CHIC1: variants seen among roughly 807,000 people sequenced by gnomAD.
CHIC1 encodes the protein cysteine rich hydrophobic domain 1, also known as cysteine-rich hydrophobic domain-containing protein 1.
A neutral mutation model predicts 18.5 loss-of-function variants in CHIC1; 7 were observed. The observed-to-expected ratio is 0.38, with a 90% confidence interval of 0.22 to 0.71. The LOEUF (loss-of-function observed/expected upper bound fraction) is 0.71. Among genes scored for constraint, CHIC1 ranks in the 30% least tolerant of loss-of-function variants. CHIC1 has a pLI of 0.49. For synonymous variants in CHIC1, 77 were observed against 73.5 expected (o/e 1.05, Z -0.25); for missense variants, 159 against 176.9 (o/e 0.90, Z 0.57).
At chrX:73,676,238 T>G (rs1332694533) in intron 3 of CHIC1, among the ~76,000 whole-genome samples, 1 of 111,384 alleles carries the variant, frequency 9.0e-6, no homozygotes, top group African/African-American at 3.3e-5. Context: ...AGGAGTATCT[T>G]TGTGGCATTC....
In CHIC1 at chrX:73,613,062, A is replaced by G. The variant is rs775551385; in HGVS notation, c.507+28490A>G. Among the ~76,000 whole-genome samples, 9 of 112,207 alleles carry G rather than the reference A, an allele frequency of 8.0e-5. No individual in the cohort carries two copies. The South Asian group carries it at 2.2e-3, about 28-fold the overall frequency. Reference sequence around the variant, plus strand: ...GCTAAACTGATCACTTTATCATTACATAGTGAACTTTCTGTCTCATTTTAC... The same window carrying G: ...GCTAAACTGATCACTTTATCATTACGTAGTGAACTTTCTGTCTCATTTTAC... On this transcript the variant is annotated intron_variant, in intron 3 of 5. Coordinates refer to ENST00000373502, the MANE Select transcript of CHIC1 (RefSeq NM_001039840.4).
chrX:73,592,339 G>A (rs1468902761), intron 3 of CHIC1, among the ~76,000 whole-genome samples: 2 of 111,264 alleles, frequency 1.8e-5, no homozygotes, highest in Non-Finnish European at 3.8e-5. Flanking sequence ...TGTTAGCTAT[G>A]GGTTTGCCAT....
intron 3 of CHIC1, among the ~76,000 whole-genome samples, chrX:73,631,970 A>T (rs1379609365): frequency 8.9e-6 from 1 of 111,990 alleles, no homozygotes; most frequent in African/African-American, 3.3e-5. Context: ...TGTTCTGGAG[A>T]ATGCTCTATA....
intron 3 of CHIC1, among the ~76,000 whole-genome samples, chrX:73,642,088 C>T (rs754002241): frequency 9.8e-5 from 11 of 111,777 alleles, no homozygotes; most frequent in Non-Finnish European, 9.4e-5. Flanking sequence ...CCTGAGGAAT[C>T]GCCACACTGA....
rs766688635 is a variant in CHIC1, at chrX:73,679,570, T to A, written c.565-84T>A. 3 of 658,109 alleles carry A rather than the reference T, an allele frequency of 4.6e-6. No homozygotes were observed. The East Asian group carries it at 1.1e-4, about 24-fold the overall frequency. 54.2% of individuals were successfully genotyped at this position (658,109 alleles called of 1,213,427 possible). On this transcript the variant is annotated intron_variant, in intron 4 of 5. Coordinates refer to ENST00000373502, the MANE Select transcript of CHIC1 (RefSeq NM_001039840.4). ...TTTGTATCCTGTACTTTTCCTGGAT[T>A]GTTTTCAGTGATTTATTCAAATGTA...
chrX:73,575,490 A>T (rs2082097640), intron 1 of CHIC1, among the ~76,000 whole-genome samples: 1 of 110,579 alleles, frequency 9.0e-6, no homozygotes, highest in Non-Finnish European at 1.9e-5. Context: ...CCTAAGCTAT[A>T]TGGTAAGCCT....
intron 3 of CHIC1, 36 bp from the exon 4 acceptor site, chrX:73,679,290 G>T (rs750403537): frequency 2.1e-6 from 2 of 957,650 alleles, no homozygotes; most frequent in South Asian, 4.1e-5. Flanking sequence ...AGCTCTTCAG[G>T]TCATCTTGTA....
At chrX:73,579,990 A>G (rs116658003) in intron 2 of CHIC1, among the ~76,000 whole-genome samples, 1,640 of 110,453 alleles carry the variant, frequency 0.015, 31 homozygotes, top group African/African-American at 0.051. Flanking sequence ...GTTATATCCA[A>G]CTTTACCATT....
chrX:73,609,978 A>T (rs867724519), intron 3 of CHIC1, among the ~76,000 whole-genome samples: 5 of 107,599 alleles, frequency 4.6e-5, no homozygotes, highest in Admixed American at 1.9e-4. Flanking sequence ...CAAACATTCA[A>T]ACTTACTCCT....
chrX:73,644,324 G>A (rs950565358), intron 3 of CHIC1, among the ~76,000 whole-genome samples: 1 of 112,269 alleles, frequency 8.9e-6, no homozygotes, highest in African/African-American at 3.2e-5. Context: ...TAGGCTGCTC[G>A]GGGGTCAGGG....
At chrX:73,661,973 G>A (rs1459941576) in intron 3 of CHIC1, among the ~76,000 whole-genome samples, 3 of 109,786 alleles carry the variant, frequency 2.7e-5, no homozygotes, top group Non-Finnish European at 5.7e-5. Flanking sequence ...CACCAGCATG[G>A]CACATGTATA....
chrX:73,594,850 G>GC lies in CHIC1; in HGVS notation c.507+10280dup, dbSNP rs1407816588. ...AGATACCTCATGTAAGTGAAATAAT[G>GC]CCATATTTTTTCTTTTAGATTCAGC... On this transcript the variant is annotated intron_variant, in intron 3 of 5. Transcript: ENST00000373502. 2.7e-5 allele frequency among the ~76,000 whole-genome samples: 3 copies of GC among 111,726 alleles called. No homozygotes were observed. The East Asian group carries it at 8.5e-4, about 32-fold the overall frequency.
intron 1 of CHIC1, 85 bp from the exon 2 acceptor site, chrX:73,577,322 C>G (rs1337783894): frequency 2.9e-6 from 2 of 696,707 alleles, no homozygotes; most frequent in Non-Finnish European, 2.1e-6. Context: ...AAGAAAAATG[C>G]ATGGGTTTAT....
At chrX:73,595,609 A>G (rs188210179) in intron 3 of CHIC1, among the ~76,000 whole-genome samples, 3 of 111,774 alleles carry the variant, frequency 2.7e-5, no homozygotes, top group Admixed American at 9.5e-5. Context: ...AGTCTTTGCT[A>G]TAGTGACTAG....
chrX:73,673,797 TAGTG>T (rs2058046004), intron 3 of CHIC1, among the ~76,000 whole-genome samples: 1 of 111,957 alleles, frequency 8.9e-6, no homozygotes, highest in Non-Finnish European at 1.9e-5. Context: ...TGAATAGGAA[TAGTG>T]AGAGAGGGCA....
intron 3 of CHIC1, among the ~76,000 whole-genome samples, chrX:73,666,174 C>T (rs887273998): frequency 8.9e-5 from 10 of 112,090 alleles, no homozygotes; most frequent in Non-Finnish European, 3.8e-5. Context: ...CCTATAATTT[C>T]TCCCACCACC....
rs2057633322 is a variant in CHIC1, at chrX:73,599,813, T to C, written c.507+15241T>C. Among the ~76,000 whole-genome samples, 2 of 106,783 alleles carry C rather than the reference T, an allele frequency of 1.9e-5. 1 individual carries two copies. Among genetic ancestry groups the C allele is most frequent in the South Asian group, 7.9e-4 (2 of 2,524 alleles). 92.7% of individuals were successfully genotyped at this position (106,783 alleles called of 115,157 possible). A position where few individuals can be genotyped will look rare whatever the true frequency, so the allele number is the denominator to read the frequency against. ...TTGGCTTAGGAGTGACTTGGCAATG[T>C]GGGCTCTTTTTTGGTTCCATATGAA... On this transcript the variant is annotated intron_variant, in intron 3 of 5. Coordinates refer to ENST00000373502, the MANE Select transcript of CHIC1 (RefSeq NM_001039840.4).
At chrX:73,598,622 C>A (rs756636029) in intron 3 of CHIC1, among the ~76,000 whole-genome samples, 1 of 108,243 alleles carries the variant, frequency 9.2e-6, no homozygotes, top group African/African-American at 3.4e-5. Flanking sequence ...GAGAATGATG[C>A]TTTCCAATTT....
intron 3 of CHIC1, among the ~76,000 whole-genome samples, chrX:73,619,600 CATAAT>C (rs1389931736): frequency 1.8e-5 from 2 of 111,263 alleles, no homozygotes; most frequent in South Asian, 3.8e-4. Context: ...TTGCAAATAA[CATAAT>C]ATATTATTTT....
Sources: allele counts gnomAD v4.1 joint callset (sites outside exome capture counted in the v4.1 genomes callset), GRCh38; gene constraint gnomAD v4.1.1; transcripts MANE v1.5; gene names NCBI Gene and HGNC (gene_info 2026-07-23, HGNC 2026-07-21).